MPP7: variants seen among roughly 807,000 people sequenced by gnomAD.
MPP7 encodes the protein MAGUK p55 scaffold protein 7, also known as MAGUK p55 subfamily member 7.
In MPP7, 60 loss-of-function variants were observed where a neutral mutation model predicts 76.5. The observed-to-expected ratio is 0.78, with a 90% CI of 0.64 to 0.97. The LOEUF (loss-of-function observed/expected upper bound fraction) is 0.97. MPP7 is among the 50% of genes least tolerant of loss of function. The pLI, the probability that MPP7 is intolerant of heterozygous loss-of-function variation, is 0.00. For synonymous variants in MPP7, 237 were observed against 244.5 expected, an observed-to-expected ratio of 0.97 and a Z score of 0.29; for missense variants, 641 against 694.0, an observed-to-expected ratio of 0.92 and a Z score of 0.86.
intron 1 of MPP7, among the ~76,000 whole-genome samples, chr10:28,290,928 ATGG>A (rs1395736989): frequency 2.0e-5 from 3 of 152,252 alleles, no homozygotes; most frequent in African/African-American, 7.2e-5. Context: ...TTAACAGTAC[ATGG>A]ACAATATAGA....
chr10:28,297,939 T>C (rs757487377), intron 1 of MPP7, among the ~76,000 whole-genome samples: 1 of 152,222 alleles, frequency 6.6e-6, no homozygotes, highest in Non-Finnish European at 1.5e-5. Flanking sequence ...GCCACTTTCT[T>C]TGCTCATTCA....
intron 12 of MPP7, among the ~76,000 whole-genome samples, chr10:28,072,871 GA>G (rs1300752451): frequency 1.3e-5 from 2 of 152,118 alleles, no homozygotes; most frequent in African/African-American, 4.8e-5. Context: ...TCACTTCTAT[GA>G]TTTTGTTAAT....
intron 2 of MPP7, among the ~76,000 whole-genome samples, chr10:28,223,269 A>C (rs1170492755): frequency 1.3e-5 from 2 of 152,204 alleles, no homozygotes; most frequent in African/African-American, 4.8e-5. Flanking sequence ...GGAAGCGAGG[A>C]TGGGCATTTT....
At chr10:28,213,942 C>A (rs975904923) in intron 2 of MPP7, among the ~76,000 whole-genome samples, 2 of 152,004 alleles carry the variant, frequency 1.3e-5, no homozygotes, top group Middle Eastern at 3.2e-3. Flanking sequence ...TCTCTTTGAT[C>A]TGAAATTCAC....
intron 8 of MPP7, among the ~76,000 whole-genome samples, chr10:28,122,976 G>A (rs1187576271): frequency 6.7e-6 from 1 of 148,528 alleles, no homozygotes; most frequent in Admixed American, 6.7e-5. Flanking sequence ...TGTTTTTTTT[G>A]CACTTATTTA....
intron 2 of MPP7, among the ~76,000 whole-genome samples, chr10:28,327,657 G>C (rs577201767): frequency 6.6e-6 from 1 of 152,310 alleles, no homozygotes; most frequent in Admixed American, 6.5e-5. Context: ...TTTAACCAAT[G>C]GGGGTGAATC....
At chr10:28,158,010 G>A (rs1836125994) in intron 3 of MPP7, among the ~76,000 whole-genome samples, 1 of 152,154 alleles carries the variant, frequency 6.6e-6, no homozygotes, top group Non-Finnish European at 1.5e-5. Flanking sequence ...CAGATCCCTT[G>A]CTCATAACCC....
chr10:28,302,459 AAGCCAGCC>A (rs2133160283), intron 1 of MPP7, among the ~76,000 whole-genome samples: 1 of 152,342 alleles, frequency 6.6e-6, no homozygotes, highest in African/African-American at 2.4e-5. Context: ...GAAAAAAAAG[AAGCCAGCC>A]AGCTTATCGC....
At position 28,112,366 on chromosome 10, in the gene MPP7, A is replaced by G. The variant is rs77945307; in HGVS notation, c.952+7285T>C. Among the ~76,000 whole-genome samples the G allele has an allele frequency of 7.1e-3, 1,083 of 152,270 alleles. 14 individuals are homozygous for G. The highest frequency in any genetic ancestry group is 0.025 in the African/African-American group (1,032 of 41,550). ...ATACTACACCCTCGATTAAAGACTT[A>G]GCGCCATGGAAATCAAATGATAAAA... On this transcript the variant is annotated intron_variant, in intron 11 of 16. Coordinates refer to ENST00000683449, the MANE Select transcript of MPP7 (RefSeq NM_001318170.2).
At chr10:28,086,056 G>C (rs887818443) in intron 12 of MPP7, among the ~76,000 whole-genome samples, 1 of 152,048 alleles carries the variant, frequency 6.6e-6, no homozygotes, top group African/African-American at 2.4e-5. Context: ...ACCAAACACC[G>C]CATGTTCTCA....
chr10:28,141,360 T>C (rs1478646657), intron 5 of MPP7, among the ~76,000 whole-genome samples: 1 of 152,148 alleles, frequency 6.6e-6, no homozygotes, highest in Non-Finnish European at 1.5e-5. Context: ...GAGCATTTTT[T>C]CCTGCAAGTC....
intron 12 of MPP7, among the ~76,000 whole-genome samples, 157 bp from the exon 13 acceptor site, chr10:28,070,009 C>T (rs1016687935): frequency 6.6e-6 from 1 of 152,154 alleles, no homozygotes; most frequent in African/African-American, 2.4e-5. Flanking sequence ...TAAGAAAATG[C>T]TAGATTTCTT....
intron 5 of MPP7, among the ~76,000 whole-genome samples, chr10:28,143,273 T>C (rs1835585487): frequency 6.6e-6 from 1 of 152,118 alleles, no homozygotes; most frequent in Admixed American, 6.5e-5. Context: ...TAAAAACATA[T>C]AAGCATAGGA....
In MPP7 at chr10:28,053,437, A is replaced by T. The variant is rs183004997; in HGVS notation, c.*628T>A. On this transcript the variant is annotated 3_prime_UTR_variant, in exon 17 of 17. Coordinates refer to ENST00000683449, the MANE Select transcript of MPP7 (RefSeq NM_001318170.2). ...GTTGTTGAGTCACTGACAGGTACTC[A>T]AAAGGACTTCTCAAGCTATATTATG... 6.6e-6 allele frequency: 1 copy of T among 152,328 alleles called. No homozygotes were observed. Among genetic ancestry groups the T allele is most frequent in the Non-Finnish European group, 1.5e-5 (1 of 68,034 alleles). The allele number at this position is 152,328 out of a possible 1,614,324, so 9.4% of individuals were successfully genotyped here.
chr10:28,232,086 A>G (rs1838903624), intron 2 of MPP7, among the ~76,000 whole-genome samples: 1 of 152,158 alleles, frequency 6.6e-6, no homozygotes, highest in South Asian at 2.1e-4. Flanking sequence ...GCCAGGCACA[A>G]TAGCTCACAC....
At chr10:28,095,793 A>G (rs1853540832) in intron 11 of MPP7, among the ~76,000 whole-genome samples, 1 of 152,204 alleles carries the variant, frequency 6.6e-6, no homozygotes, top group Non-Finnish European at 1.5e-5. Context: ...ATTTAGAGTA[A>G]GGGAACAGTT....
At chr10:28,247,935 T>C (rs1366535092) in intron 1 of MPP7, among the ~76,000 whole-genome samples, 1 of 152,194 alleles carries the variant, frequency 6.6e-6, no homozygotes, top group Non-Finnish European at 1.5e-5. Flanking sequence ...TGGAATCTAT[T>C]GAGTATACTT....
At chr10:28,245,891 G>C (rs368967735) in intron 1 of MPP7, among the ~76,000 whole-genome samples, 2 of 146,842 alleles carry the variant, frequency 1.4e-5, no homozygotes, top group Non-Finnish European at 3.0e-5. Flanking sequence ...TGATCAAGCA[G>C]AAAAAAAAAA....
chr10:28,105,201 GTAGGCAGAAAGACCTTAAGT>G (rs908898798), intron 11 of MPP7, among the ~76,000 whole-genome samples: 1 of 148,612 alleles, frequency 6.7e-6, no homozygotes, highest in Non-Finnish European at 1.5e-5. Flanking sequence ...TCAAAGCCAG[GTAGGCAGAAAGACCTTAAGT>G]TATCCATCTG....
Sources: gnomAD v4.1 joint callset for allele counts (sites outside exome capture counted in the v4.1 genomes callset) on GRCh38, gnomAD v4.1.1 for gene constraint, MANE v1.5 for transcripts, NCBI Gene and HGNC (gene_info 2026-07-23, HGNC 2026-07-21) for gene names.